The following FBXW7 variants were observed in gnomAD, a reference collection of about 807,000 sequenced individuals.
FBXW7 encodes F-box/WD repeat-containing protein 7.
In FBXW7, 11 loss-of-function variants were observed where a neutral mutation model predicts 86.3. The ratio of observed to expected loss-of-function variants is 0.13; its 90% CI spans 0.08 to 0.21. The LOEUF (loss-of-function observed/expected upper bound fraction) is 0.21, where lower values mean the gene tolerates loss of function less well. FBXW7 is among the 10% of genes least tolerant of loss of function. FBXW7 has a pLI of 1.00. For missense variants in FBXW7, 488 were observed against 847.4 expected (o/e 0.58, Z 5.27); for synonymous variants, 313 against 297.9 (o/e 1.05, Z -0.52).
chr4:152,345,551 G>A (rs962926314), intron 6 of FBXW7, among the ~76,000 whole-genome samples: 5 of 151,714 alleles, frequency 3.3e-5, no homozygotes, highest in East Asian at 3.9e-4. Flanking sequence ...AGTGTCCTGC[G>A]CCCCATCCCC....
intron 6 of FBXW7, among the ~76,000 whole-genome samples, chr4:152,340,653 C>G (rs985594972): frequency 6.7e-6 from 1 of 149,844 alleles, no homozygotes; most frequent in African/African-American, 2.4e-5. Flanking sequence ...TTTCCACTGA[C>G]TACACATATT....
intron 2 of FBXW7, among the ~76,000 whole-genome samples, chr4:152,520,301 C>T (rs1247220814): frequency 7.3e-5 from 11 of 151,610 alleles, no homozygotes; most frequent in Admixed American, 6.6e-4. Flanking sequence ...GGCGCGGTGG[C>T]GGGCGCCTGT....
At chr4:152,496,690 G>C (rs755977743) in intron 2 of FBXW7, among the ~76,000 whole-genome samples, 1 of 151,782 alleles carries the variant, frequency 6.6e-6, no homozygotes, top group Non-Finnish European at 1.5e-5. Context: ...GAAAAAAATA[G>C]AACTGTATTG....
At chr4:152,516,573 T>G (rs17361782) in intron 2 of FBXW7, among the ~76,000 whole-genome samples, 17,350 of 152,208 alleles carry the variant, frequency 0.11, 1,282 homozygotes, top group South Asian at 0.2. Context: ...CATTTAGATT[T>G]GAGGAAACAT....
At chr4:152,405,095 TAA>T (rs11394424) in intron 4 of FBXW7, among the ~76,000 whole-genome samples, 1 of 79,044 alleles carries the variant, frequency 1.3e-5, no homozygotes. Context: ...GACCTTGTCT[TAA>T]AAAAAAAAAA....
At chr4:152,385,764 A>C (rs182415524) in intron 4 of FBXW7, among the ~76,000 whole-genome samples, 109 of 152,180 alleles carry the variant, frequency 7.2e-4, no homozygotes, top group Non-Finnish European at 1.4e-3. Flanking sequence ...TTAAATCAGT[A>C]AATAGCTGCC....
At chr4:152,454,688 C>T (rs1742247486) in intron 2 of FBXW7, among the ~76,000 whole-genome samples, 1 of 151,814 alleles carries the variant, frequency 6.6e-6, no homozygotes, top group Admixed American at 6.6e-5. Flanking sequence ...TTGGCAACAG[C>T]TAAAAATGTA....
At chr4:152,346,743 A>C (rs1475811811) in intron 6 of FBXW7, 187 bp downstream of exon 6, 1 of 704,114 alleles carries the variant, frequency 1.4e-6, no homozygotes, top group Non-Finnish European at 2.2e-6. Flanking sequence ...CCTATTCTGG[A>C]CATTTCATAT....
chr4:152,399,810 A>T lies in FBXW7; in HGVS notation c.501+11493T>A, dbSNP rs183310417. Among the ~76,000 whole-genome samples, 374 of 152,318 alleles carry T rather than the reference A, an allele frequency of 2.5e-3. 2 individuals are homozygous for T. Among genetic ancestry groups the T allele is most frequent in the African/African-American group, 6.7e-3 (280 of 41,588 alleles). ...AACTCTGATAAAAAATCAAAGAAGAACTAAATAAATGGAGATATATTCCAT... is the reference window on the plus strand; with the variant it reads ...AACTCTGATAAAAAATCAAAGAAGATCTAAATAAATGGAGATATATTCCAT... On this transcript the variant is annotated intron_variant, in intron 4 of 13. Transcript: ENST00000281708.
At position 152,507,652 on chromosome 4, in the gene FBXW7, C is replaced by T. The variant is rs534997898; in HGVS notation, c.-120+27289G>A. Among the ~76,000 whole-genome samples the T allele has an allele frequency of 5.3e-5, 8 of 152,188 alleles. No homozygotes were observed. The South Asian group carries it at 1.7e-3, about 32-fold the overall frequency. On this transcript the variant is annotated intron_variant, in intron 2 of 13. Coordinates refer to ENST00000281708, the MANE Select transcript of FBXW7 (RefSeq NM_001349798.2). ...GGGGGCAGGGGGAATGGAAGAATTC[C>T]GATTTCCAGTAAAAGGAATCAATAT...
At chr4:152,498,813 A>G (rs975990335) in intron 2 of FBXW7, among the ~76,000 whole-genome samples, 1 of 152,144 alleles carries the variant, frequency 6.6e-6, no homozygotes, top group African/African-American at 2.4e-5. Flanking sequence ...AAGGTACAAA[A>G]ATTGGCATTC....
At chr4:152,454,285 A>G (rs1463419716) in intron 2 of FBXW7, among the ~76,000 whole-genome samples, 1 of 117,922 alleles carries the variant, frequency 8.5e-6, no homozygotes, top group East Asian at 2.9e-4. Context: ...TTCCACGCCA[A>G]TACCTTGCAG....
intron 4 of FBXW7, among the ~76,000 whole-genome samples, chr4:152,373,664 G>A (rs1734209749): frequency 6.6e-6 from 1 of 151,942 alleles, no homozygotes; most frequent in East Asian, 1.9e-4. Flanking sequence ...TTAATTCAGG[G>A]TTACTGTGAA....
intron 4 of FBXW7, among the ~76,000 whole-genome samples, chr4:152,360,483 A>G (rs1280443041): frequency 1.3e-5 from 2 of 152,188 alleles, no homozygotes; most frequent in Non-Finnish European, 2.9e-5. Flanking sequence ...GATTCTTGCC[A>G]ACATGTGACT....
chr4:152,499,659 G>C (rs1011638219), intron 2 of FBXW7, among the ~76,000 whole-genome samples: 1 of 152,098 alleles, frequency 6.6e-6, no homozygotes, highest in Admixed American at 6.5e-5. Flanking sequence ...ACTGCAAAAA[G>C]GGGGCAGCCT....
chr4:152,347,588 T>C (rs1019659010), intron 5 of FBXW7, among the ~76,000 whole-genome samples: 1 of 152,164 alleles, frequency 6.6e-6, no homozygotes, highest in Non-Finnish European at 1.5e-5. Flanking sequence ...TTGTCTATAA[T>C]ATTTCTAATT....
intron 2 of FBXW7, among the ~76,000 whole-genome samples, chr4:152,431,208 G>C (rs1239501396): frequency 1.3e-5 from 2 of 152,192 alleles, no homozygotes; most frequent in Non-Finnish European, 1.5e-5. Flanking sequence ...ATATACCTGA[G>C]TTTTAACTGC....
intron 4 of FBXW7, among the ~76,000 whole-genome samples, chr4:152,408,592 A>T (rs1471080945): frequency 2.0e-5 from 3 of 152,222 alleles, no homozygotes; most frequent in African/African-American, 7.2e-5. Flanking sequence ...AAAGAAAAGT[A>T]GTTAACTGAG....
chr4:152,391,899 T>C (rs1443023795), intron 4 of FBXW7, among the ~76,000 whole-genome samples: 1 of 152,142 alleles, frequency 6.6e-6, no homozygotes, highest in Non-Finnish European at 1.5e-5. Flanking sequence ...CCTAACTTAG[T>C]TGTGTTACTT....
Sources: gnomAD v4.1 joint callset for allele counts (sites outside exome capture counted in the v4.1 genomes callset) on GRCh38, gnomAD v4.1.1 for gene constraint, MANE v1.5 for transcripts, NCBI Gene and HGNC (gene_info 2026-07-23, HGNC 2026-07-21) for gene names.